The following KLHL25 variants were observed in gnomAD, a reference collection of about 807,000 sequenced individuals.
KLHL25 encodes kelch like family member 25, also known as kelch-like protein 25.
A neutral mutation model predicts 30.0 loss-of-function variants in KLHL25; 41 were observed. The ratio of observed to expected loss-of-function variants is 1.37; its 90% confidence interval spans 1.07 to 1.78. The LOEUF is 1.78. KLHL25 is among the 40% of genes most tolerant of loss of function. The pLI, the probability that KLHL25 is intolerant of heterozygous loss-of-function variation, is 0.00. For missense variants in KLHL25, 971 were observed against 824.5 expected, an observed-to-expected ratio of 1.18 and a Z score of -2.18; for synonymous variants, 399 against 355.3, an observed-to-expected ratio of 1.12 and a Z score of -1.38.
chr15:85,783,840 T>G (rs1417467501), intron 1 of KLHL25, among the ~76,000 whole-genome samples: 3 of 151,994 alleles, frequency 2.0e-5, no homozygotes, highest in Non-Finnish European at 4.4e-5. Context: ...ATGCTAAGAG[T>G]CCCTGGTTTC....
intron 2 of KLHL25, among the ~76,000 whole-genome samples, chr15:85,765,347 C>A (rs182114445): frequency 6.6e-6 from 1 of 152,114 alleles, no homozygotes; most frequent in East Asian, 1.9e-4. Context: ...AAAAGAAGAC[C>A]GGGCACGAAG....
intron 1 of KLHL25, among the ~76,000 whole-genome samples, chr15:85,783,693 A>T (rs1258913566): frequency 1.9e-4 from 5 of 26,136 alleles, no homozygotes; most frequent in Non-Finnish European, 3.1e-4. Flanking sequence ...CTCCACCTCA[A>T]TAAAAAAAAA....
chr15:85,788,447 G>C (rs1235029803), intron 1 of KLHL25, among the ~76,000 whole-genome samples: 1 of 152,170 alleles, frequency 6.6e-6, no homozygotes, highest in Non-Finnish European at 1.5e-5. Flanking sequence ...CTGAATGTGG[G>C]ATCAGGAGAG....
chr15:85,766,555 CAGG>C (rs2089627049), intron 2 of KLHL25, among the ~76,000 whole-genome samples: 1 of 152,234 alleles, frequency 6.6e-6, no homozygotes, highest in Admixed American at 6.5e-5. Context: ...CTCAGCTTCT[CAGG>C]AGATTAAACC....
rs1171230220 is a variant in KLHL25 at position 85,789,697 on chromosome 15, T to G, written c.-11+5069A>C. The stretch of plus-strand genomic sequence containing the variant: ...TCATCCTGGTGCTCCCACGAACTGC[T>G]GCCCAGCTCCCTGCCCACGACCAGT... On this transcript the variant is annotated intron_variant, in intron 1 of 2. Coordinates refer to ENST00000337975, the MANE Select transcript of KLHL25 (RefSeq NM_022480.4). The surrounding 1 kb of genome is among the most constrained non-coding windows in gnomAD (Gnocchi z 4.1). Among the ~76,000 whole-genome samples the G allele has an allele frequency of 3.3e-5, 5 of 152,160 alleles. No individual in the cohort carries two copies. Among genetic ancestry groups the G allele is most frequent in the African/African-American group, 1.2e-4 (5 of 41,452 alleles).
intron 2 of KLHL25, among the ~76,000 whole-genome samples, chr15:85,765,671 AAAAG>A (rs1319266105): frequency 4.6e-5 from 7 of 151,262 alleles, no homozygotes; most frequent in Non-Finnish European, 8.8e-5. Context: ...GAAAAGCTGT[AAAAG>A]AAAAAAGCAA....
In KLHL25 at chr15:85,769,209, T is replaced by C. The variant is rs777881032; in HGVS notation, c.602A>G (p.Glu201Gly). The C allele has an allele frequency of 3.7e-5, 59 of 1,613,574 alleles. No individual in the cohort carries two copies. The highest frequency in any genetic ancestry group is 5.0e-5 in the Non-Finnish European group (59 of 1,180,028). ...CACCCGCTCGTCCTCGGTCTCCAGC[T>C]CATCACTCGAGATGAGGTCCAGCAG... ...DTLLDLISSD[E>G]LETEDERVVF... Residue 201 changes from glutamate (E) to glycine (G), a missense_variant, in exon 2 of 3, where the codon GAG (glutamate) becomes GGG (glycine). Coordinates refer to ENST00000337975, the MANE Select transcript of KLHL25 (RefSeq NM_022480.4).
At chr15:85,790,384 G>C (rs1018671774) in intron 1 of KLHL25, among the ~76,000 whole-genome samples, 2 of 152,094 alleles carry the variant, frequency 1.3e-5, no homozygotes, top group Admixed American at 1.3e-4. Flanking sequence ...CACCTCGCCC[G>C]GTCCATTCCT....
At chr15:85,777,087 GC>G (rs2089714384) in intron 1 of KLHL25, among the ~76,000 whole-genome samples, 1 of 152,214 alleles carries the variant, frequency 6.6e-6, no homozygotes, top group East Asian at 1.9e-4. Flanking sequence ...CCTCACTTTG[GC>G]CCCCATGCCT....
At chr15:85,777,121 A>G (rs1241516677) in intron 1 of KLHL25, among the ~76,000 whole-genome samples, 4 of 152,162 alleles carry the variant, frequency 2.6e-5, no homozygotes, top group Admixed American at 2.0e-4. Flanking sequence ...TGGGCTGCCC[A>G]TGGGGCAGTT....
intron 2 of KLHL25, chr15:85,763,866 G>T (rs2089599820): frequency 6.6e-6 from 1 of 152,342 alleles, no homozygotes; most frequent in South Asian, 2.1e-4. Flanking sequence ...AGCCATCTCG[G>T]GCCCAGGCAC....
chr15:85,765,674 AG>A (rs1567237405), intron 2 of KLHL25, among the ~76,000 whole-genome samples: 1 of 151,400 alleles, frequency 6.6e-6, no homozygotes, highest in African/African-American at 2.4e-5. Context: ...AAGCTGTAAA[AG>A]AAAAAAGCAA....
intron 1 of KLHL25, among the ~76,000 whole-genome samples, chr15:85,791,163 C>G (rs2089813758): frequency 6.8e-6 from 1 of 146,038 alleles, no homozygotes; most frequent in Non-Finnish European, 1.5e-5. Context: ...CCACTGCACT[C>G]CAGCCTGGGC....
chr15:85,770,639 C>T, intron 1 of KLHL25: 2 of 496,150 alleles, frequency 4.0e-6, no homozygotes, highest in South Asian at 3.0e-5. Flanking sequence ...CGCAGAGGCC[C>T]AAGATGACAG....
chr15:85,781,922 C>A (rs2089745923), intron 1 of KLHL25, among the ~76,000 whole-genome samples: 1 of 152,118 alleles, frequency 6.6e-6, no homozygotes, highest in South Asian at 2.1e-4. Flanking sequence ...CCTGCTGTCA[C>A]CGGAGGCAGC....
chr15:85,770,677 G>A (rs532800919), intron 1 of KLHL25: 57 of 415,532 alleles, frequency 1.4e-4, no homozygotes, highest in African/African-American at 1.1e-3. Flanking sequence ...TAACGGAAGT[G>A]ATCCAGATTT....
At chr15:85,785,255 G>A (rs777398045) in intron 1 of KLHL25, among the ~76,000 whole-genome samples, 8 of 151,868 alleles carry the variant, frequency 5.3e-5, no homozygotes, top group Non-Finnish European at 8.8e-5. Flanking sequence ...CACGACGTCC[G>A]GCTAATGTTT....
At chr15:85,763,832 C>T (rs533227200) in intron 2 of KLHL25, 3 of 152,428 alleles carry the variant, frequency 2.0e-5, no homozygotes, top group African/African-American at 7.2e-5. Flanking sequence ...GGGAGGGAAA[C>T]GTAGGGAGCG....
At chr15:85,794,168 G>A (rs975214453) in intron 1 of KLHL25, among the ~76,000 whole-genome samples, 4 of 152,358 alleles carry the variant, frequency 2.6e-5, no homozygotes, top group African/African-American at 9.6e-5. Context: ...CAGGTGGACA[G>A]GTGGGTGTGC....
Sources: allele counts gnomAD v4.1 joint callset (sites outside exome capture counted in the v4.1 genomes callset), GRCh38; gene constraint gnomAD v4.1.1; non-coding constraint Gnocchi (gnomAD v3.1); transcripts MANE v1.5; gene names NCBI Gene and HGNC (gene_info 2026-07-23, HGNC 2026-07-21).